The following NCAM1 variants were observed in gnomAD, a reference collection of about 807,000 sequenced individuals.
NCAM1 encodes the protein antigen recognized by monoclonal antibody 5.1H11.
In NCAM1, 14 loss-of-function variants were observed where a neutral mutation model predicts 109.8. That is an observed-to-expected ratio of 0.13 (90% CI 0.08 to 0.20). The LOEUF (loss-of-function observed/expected upper bound fraction) is 0.20. Ranked by LOEUF, NCAM1 falls within the 10% of genes least tolerant of loss-of-function variation. The pLI, the probability that NCAM1 is intolerant of heterozygous loss-of-function variation, is 1.00. For missense variants in NCAM1, 774 were observed against 1,109.9 expected (o/e 0.70, Z 4.30); for synonymous variants, 418 against 442.9 (o/e 0.94, Z 0.70).
At chr11:113,060,382 G>A (rs1555083284) in intron 1 of NCAM1, among the ~76,000 whole-genome samples, 2 of 152,154 alleles carry the variant, frequency 1.3e-5, no homozygotes, top group African/African-American at 4.8e-5. Context: ...TCACTTAAAA[G>A]TCCTAATTCA....
intron 1 of NCAM1, among the ~76,000 whole-genome samples, chr11:113,202,140 T>C (rs981544933): frequency 1.3e-5 from 2 of 152,168 alleles, no homozygotes; most frequent in Non-Finnish European, 2.9e-5. Context: ...AGCTATTCCA[T>C]AGGAGAATGG....
chr11:113,146,195 C>T (rs1942011016), intron 1 of NCAM1, among the ~76,000 whole-genome samples: 1 of 152,010 alleles, frequency 6.6e-6, no homozygotes, highest in Non-Finnish European at 1.5e-5. Context: ...TTGCTTTCAG[C>T]GTTGGGGGAA....
intron 7 of NCAM1, among the ~76,000 whole-genome samples, chr11:113,211,856 A>G (rs1207702102): frequency 6.6e-6 from 1 of 152,222 alleles, no homozygotes; most frequent in Admixed American, 6.5e-5. Context: ...CTTAGTGGCA[A>G]GCATTCTTGG....
intron 1 of NCAM1, among the ~76,000 whole-genome samples, chr11:113,121,784 T>C (rs989071307): frequency 6.6e-5 from 10 of 152,202 alleles, no homozygotes; most frequent in Non-Finnish European, 1.5e-4. Context: ...TGGGTGCCTA[T>C]CCAGAGATTT....
intron 1 of NCAM1, among the ~76,000 whole-genome samples, chr11:112,989,690 T>C (rs1555070293): frequency 6.6e-6 from 1 of 152,224 alleles, no homozygotes; most frequent in East Asian, 1.9e-4. Context: ...GATTCTTTTT[T>C]ATCCCTGTCG....
intron 1 of NCAM1, among the ~76,000 whole-genome samples, chr11:113,167,864 C>T (rs572872861): frequency 1.2e-4 from 19 of 152,090 alleles, no homozygotes; most frequent in African/African-American, 1.9e-4. Flanking sequence ...AGCGAGATGG[C>T]GGTTGGGCAG....
In NCAM1 at chr11:113,233,024, A is replaced by G; in HGVS notation, c.1523-123A>G. 2 of 1,076,680 alleles carry G rather than the reference A, an allele frequency of 1.9e-6. No individual in the cohort carries two copies. Among genetic ancestry groups the G allele is most frequent in the South Asian group, 3.1e-5 (2 of 64,162 alleles). The allele number at this position is 1,076,680 out of a possible 1,614,324, so 66.7% of individuals were successfully genotyped here. A position where few individuals can be genotyped will look rare whatever the true frequency, so the allele number is the denominator to read the frequency against. ...ATCTGGTGAGATGGGCCAGGAGGAC[A>G]GGATACAGTGACAGGATTCCCAAGA... On this transcript the variant is annotated intron_variant, in intron 12 of 19. Transcript: ENST00000316851. This position sits in a 1 kb window ranked among gnomAD's most constrained non-coding sequence, Gnocchi z 4.5.
At chr11:112,995,120 A>G (rs1951559698) in intron 1 of NCAM1, among the ~76,000 whole-genome samples, 1 of 152,070 alleles carries the variant, frequency 6.6e-6, no homozygotes, top group African/African-American at 2.4e-5. Context: ...TTTCGTACCT[A>G]CTGCTGAATT....
At chr11:113,141,240 A>G (rs1176066024) in intron 1 of NCAM1, among the ~76,000 whole-genome samples, 2 of 152,160 alleles carry the variant, frequency 1.3e-5, no homozygotes, top group Admixed American at 6.5e-5. Flanking sequence ...TGCTGTGATG[A>G]CCTACTCTGC....
At chr11:113,161,092 C>G (rs1294119577) in intron 1 of NCAM1, among the ~76,000 whole-genome samples, 1 of 119,698 alleles carries the variant, frequency 8.4e-6, no homozygotes, top group Admixed American at 8.7e-5. Flanking sequence ...TACTGAATTA[C>G]ACATGATCGT....
intron 1 of NCAM1, among the ~76,000 whole-genome samples, chr11:113,159,611 GAATT>G (rs1487147019): frequency 6.6e-6 from 1 of 151,962 alleles, no homozygotes; most frequent in African/African-American, 2.4e-5. Context: ...ATGTATTAGA[GAATT>G]ATTTCTATTA....
At chr11:113,170,576 G>T (rs1351784458) in intron 1 of NCAM1, among the ~76,000 whole-genome samples, 4 of 152,164 alleles carry the variant, frequency 2.6e-5, no homozygotes, top group African/African-American at 9.7e-5. Context: ...ATTGGTCTTT[G>T]GGAGGGAAGG....
chr11:113,099,302 GAAAA>G (rs1247821442), intron 1 of NCAM1, among the ~76,000 whole-genome samples: 1 of 152,112 alleles, frequency 6.6e-6, no homozygotes, highest in African/African-American at 2.4e-5. Context: ...AAAGAATAAA[GAAAA>G]CATCATGAGG....
chr11:113,012,346 T>G (rs1555074662), intron 1 of NCAM1, among the ~76,000 whole-genome samples: 1 of 152,106 alleles, frequency 6.6e-6, no homozygotes, highest in African/African-American at 2.4e-5. Context: ...AAGACATTAT[T>G]GGGAAAAATT....
chr11:113,218,975 A>C (rs1944608375), intron 8 of NCAM1, among the ~76,000 whole-genome samples: 1 of 152,176 alleles, frequency 6.6e-6, no homozygotes, highest in Admixed American at 6.5e-5. Flanking sequence ...AGTGGTGCTA[A>C]ATTCCAGGTT....
intron 1 of NCAM1, among the ~76,000 whole-genome samples, chr11:113,187,823 C>T (rs929929620): frequency 2.0e-5 from 3 of 152,068 alleles, no homozygotes; most frequent in Non-Finnish European, 4.4e-5. Flanking sequence ...TTTTCTCGGG[C>T]CATTTATTCT....
At chr11:113,117,698 A>T (rs1243928714) in intron 1 of NCAM1, among the ~76,000 whole-genome samples, 1 of 152,100 alleles carries the variant, frequency 6.6e-6, no homozygotes. Context: ...CTAAATCCTT[A>T]TAAATTTCAT....
intron 7 of NCAM1, among the ~76,000 whole-genome samples, chr11:113,213,454 C>T (rs1191789154): frequency 1.3e-5 from 2 of 152,108 alleles, no homozygotes; most frequent in African/African-American, 4.8e-5. Context: ...GGAAAATGAA[C>T]TCATCTCAAC....
chr11:113,220,602 C>CTCTTTTTTTTTTTTTT (rs1319361444), intron 8 of NCAM1, among the ~76,000 whole-genome samples: 1 of 75,584 alleles, frequency 1.3e-5, no homozygotes, highest in African/African-American at 6.1e-5. Flanking sequence ...CTCTCTCTCT[C>CTCTTTTTTTTTTTTTT]TTTTTTTTTT....
Sources: gnomAD v4.1 joint callset for allele counts (sites outside exome capture counted in the v4.1 genomes callset) on GRCh38, gnomAD v4.1.1 for gene constraint, Gnocchi (gnomAD v3.1) non-coding constraint, MANE v1.5 for transcripts, NCBI Gene and HGNC (gene_info 2026-07-23, HGNC 2026-07-21) for gene names.